Variants in AP1M2 observed in about 807,000 individuals in gnomAD.
AP1M2 encodes adaptor related protein complex 1 subunit mu 2, also known as AP-1 complex subunit mu-2.
AP1M2 carries 41 observed loss-of-function variants against 54.6 expected under a neutral mutation model. The ratio of observed to expected loss-of-function variants is 0.75; its 90% confidence interval spans 0.59 to 0.97. The LOEUF (loss-of-function observed/expected upper bound fraction) is 0.97. Among genes scored for constraint, AP1M2 ranks in the 50% least tolerant of loss-of-function variants. The pLI is 0.00. For synonymous variants in AP1M2, 219 were observed against 215.9 expected (o/e 1.01, Z -0.13); for missense variants, 507 against 561.2 (o/e 0.90, Z 0.98).
chr19:10,577,279 G>A lies in AP1M2; in HGVS notation c.966C>T (p.Ser322=). The change falls in exon 9 of 12, where the codon TCC becomes TCT. Residue 322 remains serine (S), a synonymous_variant. Coordinates refer to ENST00000250244, the MANE Select transcript of AP1M2 (RefSeq NM_005498.5). ...ISVPVPSDAD[S]PRFKTSVGSA... is the part of the protein sequence containing the mutation. The stretch of plus-strand genomic sequence containing the variant: ...TGCCCACACTGGTCTTGAATCTGGG[G>A]GAGTCGGCATCGCTGGGTACAGGCA... The A allele has an allele frequency of 6.2e-7, 1 of 1,613,026 alleles. No homozygotes were observed. The highest frequency in any genetic ancestry group is 8.5e-7 in the Non-Finnish European group (1 of 1,179,594).
intron 3 of AP1M2, among the ~76,000 whole-genome samples, chr19:10,583,232 G>A (rs1193521184): frequency 2.0e-5 from 3 of 151,980 alleles, no homozygotes; most frequent in African/African-American, 4.8e-5. Flanking sequence ...GGGCTTAGCT[G>A]AGCCGTATGC....
In AP1M2 at chr19:10,577,133, G is replaced by T. The variant is rs1049565193; in HGVS notation, c.1047+65C>A. 7.8e-6 allele frequency: 12 copies of T among 1,530,294 alleles called. No homozygotes were observed. The East Asian group carries it at 1.7e-4, about 22-fold the overall frequency. 94.8% of individuals were successfully genotyped at this position (1,530,294 alleles called of 1,614,324 possible). A position where few individuals can be genotyped will look rare whatever the true frequency, so the allele number is the denominator to read the frequency against. On this transcript the variant is annotated intron_variant, in intron 9 of 11. Coordinates refer to ENST00000250244, the MANE Select transcript of AP1M2 (RefSeq NM_005498.5). Reference sequence around the variant, plus strand: ...TCTCTGCCTTGTTCTCATGGCTCCTGGGCAGCCCCCACACTACTCCAGTCC... The same window carrying T: ...TCTCTGCCTTGTTCTCATGGCTCCTTGGCAGCCCCCACACTACTCCAGTCC...
rs1917470620 is a variant in AP1M2, at chr19:10,581,756, G to A, written c.390C>T (p.Ile130=). The part of the protein sequence containing the change: ...FGFPQTTDSK[I]LQEYITQQSN... Reference sequence around the variant, plus strand: ...TCCAGGGGTCCACTCACTCCTGCAGGATCTTGCTGTCGGTGGTCTGCGGGA... The same window carrying A: ...TCCAGGGGTCCACTCACTCCTGCAGAATCTTGCTGTCGGTGGTCTGCGGGA... The change falls in exon 4 of 12, where the codon ATC becomes ATT. Residue 130 remains isoleucine (I), a synonymous_variant. Coordinates refer to ENST00000250244, the MANE Select transcript of AP1M2 (RefSeq NM_005498.5). The A allele has an allele frequency of 1.9e-6, 3 of 1,613,676 alleles. No homozygotes were observed. The highest frequency in any genetic ancestry group is 2.2e-5 in the East Asian group (1 of 44,866).
chr19:10,577,752 TTTTA>T, intron 8 of AP1M2, among the ~76,000 whole-genome samples: 1 of 121,586 alleles, frequency 8.2e-6, no homozygotes. Context: ...TTTTTTTTTT[TTTTA>T]GACGGAGTCT....
intron 1 of AP1M2, among the ~76,000 whole-genome samples, chr19:10,584,346 C>T (rs993934734): frequency 2.0e-5 from 3 of 152,078 alleles, no homozygotes; most frequent in East Asian, 3.9e-4. Context: ...TTTGGGAGGC[C>T]GAGGCGGGTG....
chr19:10,577,807 G>C (rs959254489), intron 8 of AP1M2, among the ~76,000 whole-genome samples: 1 of 145,132 alleles, frequency 6.9e-6, no homozygotes, highest in Non-Finnish European at 1.5e-5. Context: ...CACAATCTCC[G>C]CTCACGGCAA....
At chr19:10,574,059 G>A (rs1203854137) in intron 11 of AP1M2, among the ~76,000 whole-genome samples, 1 of 151,986 alleles carries the variant, frequency 6.6e-6, no homozygotes, top group African/African-American at 2.4e-5. Flanking sequence ...CAGGGTTTCT[G>A]TCGACCAGGC....
In AP1M2 at chr19:10,581,689, C is replaced by A. The variant is rs1917468374; in HGVS notation, c.399-55G>T. ...TGGACCCAGGGACACCTCCGTGGAC[C>A]TCCTCCAGTTCCTTACACCCACAGT... On this transcript the variant is annotated intron_variant, in intron 4 of 11. Coordinates refer to ENST00000250244, the MANE Select transcript of AP1M2 (RefSeq NM_005498.5). 5.6e-6 allele frequency: 9 copies of A among 1,611,648 alleles called. No individual in the cohort carries two copies. In the Admixed American group the frequency reaches 1.5e-4, roughly 27 times the overall value.
intron 1 of AP1M2, among the ~76,000 whole-genome samples, chr19:10,585,283 A>AAAGAAAGAAAGAAAGAAAGAAGGAAGG (rs1568434699): frequency 9.6e-6 from 1 of 104,570 alleles, no homozygotes; most frequent in African/African-American, 4.2e-5. Context: ...AAAGAAGAAA[A>AAAGAAAGAAAGAAAGAAAGAAGGAAGG]AAAGAAAGAA....
At chr19:10,576,616 C>T (rs1309473826) in intron 9 of AP1M2, among the ~76,000 whole-genome samples, 1 of 151,384 alleles carries the variant, frequency 6.6e-6, no homozygotes, top group African/African-American at 2.4e-5. Flanking sequence ...CCAGGCTGGT[C>T]TTGAACTTCT....
intron 6 of AP1M2, 122 bp from the exon 7 acceptor site, chr19:10,579,980 A>C: frequency 1.0e-6 from 1 of 995,144 alleles, no homozygotes; most frequent in Non-Finnish European, 1.4e-6. Flanking sequence ...CCCAGAGAGA[A>C]TGAGCAAAAA....
intron 3 of AP1M2, among the ~76,000 whole-genome samples, chr19:10,583,345 TCAAA>T (rs2144768166): frequency 6.6e-6 from 1 of 151,640 alleles, no homozygotes; most frequent in East Asian, 1.9e-4. Flanking sequence ...GCACAGAGAC[TCAAA>T]CAAGGCCCCA....
chr19:10,580,848 G>A (rs372460210), intron 6 of AP1M2, among the ~76,000 whole-genome samples: 13 of 151,874 alleles, frequency 8.6e-5, no homozygotes, highest in African/African-American at 2.9e-4. Context: ...CCAGCTACTC[G>A]AGAGGCTGAG....
At chr19:10,585,283 A>AAAGAAAGAAGG (rs1568434699) in intron 1 of AP1M2, among the ~76,000 whole-genome samples, 3 of 104,570 alleles carry the variant, frequency 2.9e-5, no homozygotes, top group African/African-American at 8.4e-5. Flanking sequence ...AAAGAAGAAA[A>AAAGAAAGAAGG]AAAGAAAGAA....
chr19:10,580,230 T>C (rs1406603013), intron 6 of AP1M2, among the ~76,000 whole-genome samples: 1 of 152,068 alleles, frequency 6.6e-6, no homozygotes, highest in Non-Finnish European at 1.5e-5. Flanking sequence ...TTTGTATTTT[T>C]AGTAGAGACG....
At chr19:10,582,082 C>T (rs1445366914) in intron 3 of AP1M2, among the ~76,000 whole-genome samples, 2 of 151,832 alleles carry the variant, frequency 1.3e-5, no homozygotes, top group African/African-American at 4.8e-5. Flanking sequence ...CTCGCACTGT[C>T]ACCCAGGCTG....
chr19:10,574,541 C>T, intron 10 of AP1M2, 49 bp from the exon 11 acceptor site: 1 of 1,469,246 alleles, frequency 6.8e-7, no homozygotes, highest in Middle Eastern at 1.9e-4. Context: ...AGGGAGGAGG[C>T]CAGGGCCAGG....
intron 1 of AP1M2, 78 bp from the exon 2 acceptor site, chr19:10,584,148 C>A: frequency 6.6e-7 from 1 of 1,509,118 alleles, no homozygotes; most frequent in South Asian, 1.3e-5. Flanking sequence ...GTGCCCGGTT[C>A]TGACCCTACT....
Position 10,577,190 on chromosome 19 carries a change from G to A in AP1M2, c.1047+8C>T. ...CCCCCAGATCCCCCGCCAGTCCCTG[G>A]TACTTACCGGGAAAGACTTAATACT... On this transcript the variant is annotated splice_region_variant and intron_variant, in intron 9 of 11. Coordinates refer to ENST00000250244, the MANE Select transcript of AP1M2 (RefSeq NM_005498.5). 1 of 1,608,236 alleles carries A rather than the reference G, an allele frequency of 6.2e-7. No individual in the cohort carries two copies. The highest frequency in any genetic ancestry group is 1.1e-5 in the South Asian group (1 of 89,698).
Sources: gnomAD v4.1 joint callset for allele counts (sites outside exome capture counted in the v4.1 genomes callset) on GRCh38, gnomAD v4.1.1 for gene constraint, MANE v1.5 for transcripts, NCBI Gene and HGNC (gene_info 2026-07-23, HGNC 2026-07-21) for gene names.